Variants in VPS13A observed in about 807,000 individuals in gnomAD.
The protein encoded by VPS13A is intermembrane lipid transfer protein VPS13A.
A neutral mutation model predicts 390.9 loss-of-function variants in VPS13A; 264 were observed. The observed-to-expected ratio is 0.68, with a 90% CI of 0.61 to 0.75. The LOEUF (loss-of-function observed/expected upper bound fraction) is 0.75, where lower values mean the gene tolerates loss of function less well. Ranked by LOEUF, VPS13A falls within the 30% of genes least tolerant of loss-of-function variation. The pLI is 0.00. For synonymous variants in VPS13A, 1,231 were observed against 1,227.1 expected, an observed-to-expected ratio of 1.00 and a Z score of -0.07; for missense variants, 3,409 against 3,733.9, an observed-to-expected ratio of 0.91 and a Z score of 2.27.
intron 23 of VPS13A, among the ~76,000 whole-genome samples, chr9:77,261,567 T>C (rs996455184): frequency 1.3e-5 from 2 of 151,060 alleles, no homozygotes; most frequent in South Asian, 2.1e-4. Context: ...TAAATTTTGA[T>C]TATTTTGCCA....
At position 77,353,562 on chromosome 9, in the gene VPS13A, G is replaced by A. The variant is rs746839882; in HGVS notation, c.7573G>A (p.Ala2525Thr). 3.7e-6 allele frequency: 6 copies of A among 1,613,480 alleles called. No individual in the cohort carries two copies. The South Asian group carries it at 4.4e-5, about 12-fold the overall frequency. The change falls in exon 54 of 72, where the codon GCA becomes ACA. Residue 2525 changes from alanine (A) to threonine (T), a missense_variant. Physicochemically the swap from Ala to Thr is moderately conservative, Grantham distance 58 (BLOSUM62 0). This residue lies in a region of VPS13A where 221 missense variants were observed against 300.7 expected (regional missense o/e 0.73). Coordinates refer to ENST00000360280, the MANE Select transcript of VPS13A (RefSeq NM_033305.3). ...EKAELAEQEI[A>T]VALQDVGISL... Reference sequence around the variant, plus strand: ...AGCAGAGTTAGCAGAGCAAGAAATTGCAGTGGCATTACAAGATGTTGGAAT... The same window carrying A: ...AGCAGAGTTAGCAGAGCAAGAAATTACAGTGGCATTACAAGATGTTGGAAT...
At chr9:77,196,699 G>A (rs1160380082) in intron 1 of VPS13A, among the ~76,000 whole-genome samples, 3 of 151,606 alleles carry the variant, frequency 2.0e-5, no homozygotes, top group African/African-American at 7.3e-5. Flanking sequence ...ATGGGGAATA[G>A]TATTTCACTG....
At chr9:77,360,403 T>A (rs970942164) in intron 58 of VPS13A, 133 bp from the exon 59 acceptor site, 6 of 660,456 alleles carry the variant, frequency 9.1e-6, no homozygotes, top group Admixed American at 8.0e-5. Flanking sequence ...CATGATTTTT[T>A]AAAATTTAGT....
intron 71 of VPS13A, among the ~76,000 whole-genome samples, chr9:77,411,346 A>G (rs1389280026): frequency 1.3e-5 from 2 of 152,156 alleles, no homozygotes. Flanking sequence ...GGAAAAATCT[A>G]AAATTGACAC....
chr9:77,264,117 T>C (rs1825902319), intron 23 of VPS13A, among the ~76,000 whole-genome samples: 1 of 152,182 alleles, frequency 6.6e-6, no homozygotes, highest in Non-Finnish European at 1.5e-5. Flanking sequence ...TGTGTGGTGT[T>C]ATTTCTGAGG....
chr9:77,180,726 A>G (rs776182165), intron 1 of VPS13A, among the ~76,000 whole-genome samples: 1 of 152,210 alleles, frequency 6.6e-6, no homozygotes. Context: ...ATTTCGTAAA[A>G]AAAAAATCAG....
intron 27 of VPS13A, among the ~76,000 whole-genome samples, chr9:77,280,777 A>G (rs1564691525): frequency 6.6e-6 from 1 of 152,204 alleles, no homozygotes; most frequent in Non-Finnish European, 1.5e-5. Context: ...AGAATAATGC[A>G]GAAAGCATTT....
intron 14 of VPS13A, 108 bp from the exon 15 acceptor site, chr9:77,226,358 C>T: frequency 9.7e-7 from 1 of 1,030,098 alleles, no homozygotes. Flanking sequence ...ATATTGTTTA[C>T]ATTCATTTTG....
intron 47 of VPS13A, chr9:77,337,750 A>G: frequency 2.0e-6 from 1 of 505,324 alleles, no homozygotes; most frequent in East Asian, 3.3e-5. Flanking sequence ...AGCATGCTAC[A>G]TTATGTTGTA....
At chr9:77,359,472 CTTTAAATGTTGGACAA>C in intron 58 of VPS13A, 70 bp downstream of exon 58, 2 of 1,313,776 alleles carry the variant, frequency 1.5e-6, no homozygotes, top group Non-Finnish European at 2.1e-6. Flanking sequence ...TGTTTGTACT[CTTTAAATGTTGGACAA>C]GTCAAAGATT....
intron 22 of VPS13A, among the ~76,000 whole-genome samples, chr9:77,259,410 G>C (rs1245049007): frequency 3.9e-5 from 6 of 152,138 alleles, no homozygotes; most frequent in African/African-American, 1.4e-4. Context: ...ATAAAAGAAA[G>C]CTTGTAATTT....
At chr9:77,217,820 G>A (rs1268901515) in intron 10 of VPS13A, among the ~76,000 whole-genome samples, 2 of 145,938 alleles carry the variant, frequency 1.4e-5, no homozygotes, top group East Asian at 2.0e-4. Flanking sequence ...CTTTTCTTTC[G>A]GGTAGATACC....
rs188381496 is a variant in VPS13A at position 77,278,217 on chromosome 9, C to T, written c.2825-1942C>T. 8.6e-5 allele frequency among the ~76,000 whole-genome samples: 13 copies of T among 150,990 alleles called. No homozygotes were observed. The East Asian group carries it at 2.5e-3, about 29-fold the overall frequency. ...TCCTGAGTAGCTGGGACTACAGGCGCCCGCCACCACGCCCAGCTAATTTTT... is the reference window on the plus strand; with the variant it reads ...TCCTGAGTAGCTGGGACTACAGGCGTCCGCCACCACGCCCAGCTAATTTTT... On this transcript the variant is annotated intron_variant, in intron 26 of 71. Coordinates refer to ENST00000360280, the MANE Select transcript of VPS13A (RefSeq NM_033305.3).
chr9:77,220,840 A>C (rs1823170439), intron 12 of VPS13A, among the ~76,000 whole-genome samples: 1 of 152,090 alleles, frequency 6.6e-6, no homozygotes, highest in African/African-American at 2.4e-5. Flanking sequence ...TTTTTAAGCT[A>C]TTCCCTAGTT....
intron 1 of VPS13A, among the ~76,000 whole-genome samples, chr9:77,186,599 A>G (rs898109993): frequency 2.6e-5 from 4 of 151,960 alleles, no homozygotes; most frequent in African/African-American, 4.8e-5. Context: ...CACCATGCCC[A>G]GCTAATTTTT....
Position 77,295,536 on chromosome 9 carries a change from T to C in VPS13A, c.3508-6T>C. On this transcript the variant is annotated splice_polypyrimidine_tract_variant and splice_region_variant and intron_variant, in intron 32 of 71. Transcript: ENST00000360280. ...ACCTTAAGAATATAATTCTGTTATC[T>C]TACAGGCTTTTATAGATAATTTTCA... 1 of 1,598,328 alleles carries C rather than the reference T, an allele frequency of 6.3e-7. No individual in the cohort carries two copies. Among genetic ancestry groups the C allele is most frequent in the Non-Finnish European group, 8.5e-7 (1 of 1,170,190 alleles).
chr9:77,312,423 A>ATTTTTT (rs200809406), intron 35 of VPS13A, among the ~76,000 whole-genome samples: 5 of 146,630 alleles, frequency 3.4e-5, no homozygotes, highest in Non-Finnish European at 7.5e-5. Flanking sequence ...TGTTCATATA[A>ATTTTTT]TTTTTTTTTT....
At chr9:77,353,759 A>G in intron 54 of VPS13A, 118 bp downstream of exon 54, 2 of 1,003,942 alleles carry the variant, frequency 2.0e-6, no homozygotes, top group Non-Finnish European at 3.0e-6. Flanking sequence ...ATTCATTGAT[A>G]CTGTGGTAGT....
chr9:77,218,543 A>G (rs2183863), intron 10 of VPS13A, among the ~76,000 whole-genome samples: 31,006 of 151,784 alleles, frequency 0.2, 3,360 homozygotes, highest in Middle Eastern at 0.26. Context: ...ACAGTTTGAT[A>G]TTTTAATAAT....
Sources: allele counts gnomAD v4.1 joint callset (sites outside exome capture counted in the v4.1 genomes callset), GRCh38; gene constraint gnomAD v4.1.1; regional missense constraint gnomAD v4.1.1; transcripts MANE v1.5; gene names NCBI Gene and HGNC (gene_info 2026-07-23, HGNC 2026-07-21).